ZNF438: variants seen among roughly 807,000 people sequenced by gnomAD.
The protein encoded by ZNF438 is zinc finger protein 438.
A neutral mutation model predicts 38.0 loss-of-function variants in ZNF438; 25 were observed. That is an observed-to-expected ratio of 0.66 (90% CI 0.48 to 0.92). The LOEUF is 0.92. ZNF438 is among the 40% of genes least tolerant of loss of function. The pLI is 0.00. For synonymous variants in ZNF438, 372 were observed against 364.1 expected (o/e 1.02, Z -0.25); for missense variants, 1,007 against 999.6 (o/e 1.01, Z -0.10).
At chr10:30,855,289 G>A (rs974292204) in intron 4 of ZNF438, among the ~76,000 whole-genome samples, 2 of 152,164 alleles carry the variant, frequency 1.3e-5, no homozygotes, top group African/African-American at 2.4e-5. Context: ...AGGCCCAGAC[G>A]ACTGGTATGA....
chr10:30,946,425 A>C (rs998974037), intron 1 of ZNF438, among the ~76,000 whole-genome samples: 2 of 152,182 alleles, frequency 1.3e-5, no homozygotes, highest in Non-Finnish European at 2.9e-5. Flanking sequence ...AAAGGGGAGA[A>C]AATTTTCGCA....
At chr10:31,011,582 A>G (rs1043115341) in intron 1 of ZNF438, among the ~76,000 whole-genome samples, 3 of 152,348 alleles carry the variant, frequency 2.0e-5, no homozygotes, top group Admixed American at 2.0e-4. Flanking sequence ...GCCAAGGGTC[A>G]GGGTCAGGCC....
At chr10:30,887,308 C>G (rs1453404852) in intron 3 of ZNF438, among the ~76,000 whole-genome samples, 3 of 152,200 alleles carry the variant, frequency 2.0e-5, no homozygotes, top group Non-Finnish European at 4.4e-5. Context: ...TCCTGACTGA[C>G]CCAGGTGCTT....
chr10:30,922,764 G>C (rs1355881145), intron 2 of ZNF438, among the ~76,000 whole-genome samples: 1 of 151,982 alleles, frequency 6.6e-6, no homozygotes, highest in Non-Finnish European at 1.5e-5. Context: ...GAACCAGAGA[G>C]GTGGAAGTTG....
intron 1 of ZNF438, among the ~76,000 whole-genome samples, chr10:30,998,019 C>T (rs188761330): frequency 3.3e-5 from 5 of 152,274 alleles, no homozygotes; most frequent in Admixed American, 1.3e-4. Context: ...TTATTACATA[C>T]GATACTTTCA....
intron 1 of ZNF438, among the ~76,000 whole-genome samples, chr10:30,992,836 C>T (rs977108795): frequency 1.6e-4 from 24 of 152,184 alleles, no homozygotes; most frequent in Admixed American, 9.2e-4. Context: ...GAATAAAGGC[C>T]ACACTTGTCA....
chr10:31,004,303 T>C (rs1203702449), intron 1 of ZNF438, among the ~76,000 whole-genome samples: 1 of 152,180 alleles, frequency 6.6e-6, no homozygotes, highest in East Asian at 1.9e-4. Flanking sequence ...AAAGATTATA[T>C]TTAACCAAAA....
At chr10:31,031,810 T>G (rs1260372761) in intron 1 of ZNF438, 23 bp downstream of exon 1, 5 of 152,984 alleles carry the variant, frequency 3.3e-5, no homozygotes, top group Non-Finnish European at 7.3e-5. Context: ...CCCTAGGAGC[T>G]GCAGGAATCC....
intron 2 of ZNF438, among the ~76,000 whole-genome samples, chr10:30,941,090 G>C (rs1013587311): frequency 9.8e-6 from 1 of 102,216 alleles, no homozygotes; most frequent in African/African-American, 2.9e-5. Context: ...ATTTTATTTT[G>C]ACATGGAGTC....
chr10:30,898,193 C>T (rs1402962815), intron 3 of ZNF438, among the ~76,000 whole-genome samples: 1 of 152,142 alleles, frequency 6.6e-6, no homozygotes, highest in Non-Finnish European at 1.5e-5. Flanking sequence ...AGAAAAATGA[C>T]TTTCTATGTA....
At chr10:30,943,667 G>A (rs1250197386) in intron 1 of ZNF438, among the ~76,000 whole-genome samples, 1 of 152,106 alleles carries the variant, frequency 6.6e-6, no homozygotes, top group Non-Finnish European at 1.5e-5. Context: ...GAAGAATTTG[G>A]AGCAGTGTCC....
At chr10:30,933,102 A>T (rs1373230715) in intron 2 of ZNF438, among the ~76,000 whole-genome samples, 1 of 152,214 alleles carries the variant, frequency 6.6e-6, no homozygotes, top group East Asian at 1.9e-4. Flanking sequence ...TAGTCCTAGA[A>T]AATTAATACC....
intron 1 of ZNF438, among the ~76,000 whole-genome samples, chr10:31,011,180 G>A (rs1273540416): frequency 6.6e-6 from 1 of 152,168 alleles, no homozygotes; most frequent in Non-Finnish European, 1.5e-5. Flanking sequence ...ATGGCCTGGG[G>A]TGATCCCAGG....
chr10:30,862,425 CCCA>C (rs1202599434), intron 4 of ZNF438, among the ~76,000 whole-genome samples: 1 of 152,166 alleles, frequency 6.6e-6, no homozygotes, highest in Non-Finnish European at 1.5e-5. Context: ...GCCTCAGCCT[CCCA>C]AGTAGCTGGA....
intron 2 of ZNF438, among the ~76,000 whole-genome samples, chr10:30,934,418 G>A (rs1022810888): frequency 3.3e-5 from 5 of 152,278 alleles, no homozygotes; most frequent in African/African-American, 7.2e-5. Flanking sequence ...CATTTCTCAG[G>A]CTCACTGTCA....
intron 1 of ZNF438, among the ~76,000 whole-genome samples, chr10:30,947,155 G>A (rs1459586095): frequency 6.6e-6 from 1 of 152,164 alleles, no homozygotes; most frequent in Non-Finnish European, 1.5e-5. Context: ...ACAGAAATGT[G>A]ATTACAGCTG....
intron 2 of ZNF438, among the ~76,000 whole-genome samples, chr10:30,914,937 T>C (rs2043446241): frequency 6.6e-6 from 1 of 152,036 alleles, no homozygotes; most frequent in African/African-American, 2.4e-5. Context: ...TTTGGTACTT[T>C]GAAGTATTAA....
intron 3 of ZNF438, among the ~76,000 whole-genome samples, chr10:30,884,651 CAAGAT>C: frequency 6.6e-6 from 1 of 152,098 alleles, no homozygotes; most frequent in Non-Finnish European, 1.5e-5. Flanking sequence ...TCAATGATAG[CAAGAT>C]CTAATACAAT....
intron 4 of ZNF438, 136 bp from the exon 6 acceptor site, chr10:30,850,503 G>T: frequency 1.1e-6 from 1 of 950,614 alleles, no homozygotes; most frequent in Non-Finnish European, 1.5e-6. Context: ...GCAAAATCTT[G>T]TGTCCCTCAA....
Sources: gnomAD v4.1 joint callset for allele counts (sites outside exome capture counted in the v4.1 genomes callset) on GRCh38, gnomAD v4.1.1 for gene constraint, MANE v1.5 for transcripts, NCBI Gene and HGNC (gene_info 2026-07-23, HGNC 2026-07-21) for gene names.